DEPDC1B: variants seen among roughly 807,000 people sequenced by gnomAD.
DEPDC1B encodes DEP domain containing 1B.
DEPDC1B carries 51 observed loss-of-function variants against 66.5 expected under a neutral mutation model. That is an observed-to-expected ratio of 0.77 (90% CI 0.61 to 0.97). The LOEUF (loss-of-function observed/expected upper bound fraction) is 0.97. Ranked by LOEUF, DEPDC1B falls within the 50% of genes least tolerant of loss-of-function variation. The pLI is 0.00. For missense variants in DEPDC1B, 552 were observed against 637.1 expected (o/e 0.87, Z 1.44); for synonymous variants, 226 against 223.6 (o/e 1.01, Z -0.10).
chr5:60,659,031 G>C (rs972043032), intron 2 of DEPDC1B, among the ~76,000 whole-genome samples: 2 of 152,160 alleles, frequency 1.3e-5, no homozygotes, highest in Non-Finnish European at 2.9e-5. Flanking sequence ...AAGGGCCCAG[G>C]GTTCGTCCTA....
intron 2 of DEPDC1B, among the ~76,000 whole-genome samples, chr5:60,666,172 G>T (rs900836857): frequency 6.6e-6 from 1 of 152,160 alleles, no homozygotes; most frequent in African/African-American, 2.4e-5. Flanking sequence ...AACCCAGCGA[G>T]GCGCCCATTG....
chr5:60,618,367 T>G (rs1374864788), intron 7 of DEPDC1B, among the ~76,000 whole-genome samples: 5 of 151,722 alleles, frequency 3.3e-5, no homozygotes, highest in African/African-American at 4.8e-5. Context: ...CTTGAAAAGA[T>G]CAACAAAATT....
intron 7 of DEPDC1B, chr5:60,628,732 A>T (rs1291073086): frequency 1.3e-5 from 2 of 152,226 alleles, no homozygotes; most frequent in Non-Finnish European, 2.9e-5. Flanking sequence ...TTTCCTGCAT[A>T]GAGTCTCAAA....
Position 60,635,064 on chromosome 5 carries a change from G to GAA in DEPDC1B, c.898+3684_898+3685dup, listed in dbSNP as rs371444479. Among the ~76,000 whole-genome samples the GAA allele has an allele frequency of 1.7e-3, 201 of 115,934 alleles. 2 individuals are homozygous for GAA. Among genetic ancestry groups the GAA allele is most frequent in the Middle Eastern group, 4.3e-3 (1 of 232 alleles). 76.1% of individuals were successfully genotyped at this position (115,934 alleles called of 152,430 possible). On this transcript the variant is annotated intron_variant, in intron 7 of 10. Coordinates refer to ENST00000265036, the MANE Select transcript of DEPDC1B (RefSeq NM_018369.3). ...ACAAGAGCGAAACTCCATCTCAAGAGAAAAAAAAAAAAAAAAACTCCGGCC... is the reference window on the plus strand; with the variant it reads ...ACAAGAGCGAAACTCCATCTCAAGAGAAAAAAAAAAAAAAAAAAACTCCGGCC...
At chr5:60,667,031 G>A (rs939109815) in intron 2 of DEPDC1B, among the ~76,000 whole-genome samples, 2 of 152,178 alleles carry the variant, frequency 1.3e-5, no homozygotes, top group South Asian at 4.1e-4. Context: ...AAAGTTTGGG[G>A]TAGATTGTTT....
chr5:60,666,605 C>T (rs1284853207), intron 2 of DEPDC1B, among the ~76,000 whole-genome samples: 1 of 152,148 alleles, frequency 6.6e-6, no homozygotes, highest in Non-Finnish European at 1.5e-5. Flanking sequence ...TGCCAAGATT[C>T]CTGTGATGTG....
In DEPDC1B at chr5:60,700,096, C is replaced by A; in HGVS notation, c.-3G>T. On this transcript the variant is annotated 5_prime_UTR_variant, in exon 1 of 11. Coordinates refer to ENST00000265036, the MANE Select transcript of DEPDC1B (RefSeq NM_018369.3). ...GGCCCCACGATGCGATGCTCCATGG[C>A]GCGTAGGCAGCAGCGGCCGCAGCCG... 1 of 1,552,628 alleles carries A rather than the reference C, an allele frequency of 6.4e-7. No homozygotes were observed. The highest frequency in any genetic ancestry group is 8.7e-7 in the Non-Finnish European group (1 of 1,150,842).
intron 7 of DEPDC1B, among the ~76,000 whole-genome samples, chr5:60,632,292 A>G (rs1406495781): frequency 6.6e-6 from 1 of 151,972 alleles, no homozygotes; most frequent in African/African-American, 2.4e-5. Context: ...GCCACTCCTC[A>G]CCCCAAATCG....
At chr5:60,600,293 G>T (rs528438200) in intron 9 of DEPDC1B, among the ~76,000 whole-genome samples, 52 of 152,180 alleles carry the variant, frequency 3.4e-4, no homozygotes, top group Non-Finnish European at 6.6e-4. Flanking sequence ...AGAGGAAAAA[G>T]GAAACCAAGG....
Position 60,667,428 on chromosome 5 carries a change from C to CATATATACAAAAAATGGATATTTTAA in DEPDC1B, c.314+19533_314+19534insTTAAAATATCCATTTTTTGTATATAT, listed in dbSNP as rs1561383539. Among the ~76,000 whole-genome samples, 237 of 142,246 alleles carry CATATATACAAAAAATGGATATTTTAA rather than the reference C, an allele frequency of 1.7e-3. 3 individuals are homozygous for CATATATACAAAAAATGGATATTTTAA. Among genetic ancestry groups the CATATATACAAAAAATGGATATTTTAA allele is most frequent in the Non-Finnish European group, 2.9e-3 (188 of 64,954 alleles). The allele number at this position is 142,246 out of a possible 152,430, so 93.3% of individuals were successfully genotyped here. On this transcript the variant is annotated intron_variant, in intron 2 of 10. Coordinates refer to ENST00000265036, the MANE Select transcript of DEPDC1B (RefSeq NM_018369.3). ...ATATATACAAAAAATGGATATTTTA[C>CATATATACAAAAAATGGATATTTTAA]ATATATACAAAAAATGGATATTTTA... is the stretch of plus-strand genomic sequence containing the variant.
At chr5:60,662,432 C>G (rs575242926) in intron 2 of DEPDC1B, among the ~76,000 whole-genome samples, 5 of 151,878 alleles carry the variant, frequency 3.3e-5, no homozygotes, top group African/African-American at 1.2e-4. Context: ...CAGAGCAAAA[C>G]TTAGAAACCC....
At chr5:60,696,824 G>C (rs573691347) in intron 1 of DEPDC1B, among the ~76,000 whole-genome samples, 2 of 149,912 alleles carry the variant, frequency 1.3e-5, no homozygotes, top group South Asian at 2.1e-4. Flanking sequence ...TGTGCATCCT[G>C]TTCTTTTCTC....
intron 2 of DEPDC1B, among the ~76,000 whole-genome samples, chr5:60,668,476 T>C (rs1753955258): frequency 1.3e-5 from 2 of 151,696 alleles, no homozygotes; most frequent in Admixed American, 6.6e-5. Context: ...GGTTTCATGA[T>C]GTTGGCAAGG....
chr5:60,664,605 T>A (rs1046121678), intron 2 of DEPDC1B, among the ~76,000 whole-genome samples: 1 of 151,910 alleles, frequency 6.6e-6, no homozygotes, highest in African/African-American at 2.4e-5. Context: ...CTTCTAGAGG[T>A]TCCCTTGGCT....
chr5:60,689,659 A>T (rs1240723515), intron 1 of DEPDC1B, among the ~76,000 whole-genome samples: 1 of 151,880 alleles, frequency 6.6e-6, no homozygotes, highest in Non-Finnish European at 1.5e-5. Flanking sequence ...TGTTTAATAA[A>T]TGCTTATATA....
intron 2 of DEPDC1B, among the ~76,000 whole-genome samples, chr5:60,675,925 G>GT (rs1340512467): frequency 5.4e-5 from 7 of 130,266 alleles, no homozygotes; most frequent in African/African-American, 1.1e-4. Context: ...TTTGTTTTTT[G>GT]TTTTTTTGTT....
intron 7 of DEPDC1B, among the ~76,000 whole-genome samples, chr5:60,628,854 C>A (rs1044562844): frequency 1.3e-5 from 2 of 152,106 alleles, no homozygotes; most frequent in Admixed American, 1.3e-4. Flanking sequence ...TAAATATGTA[C>A]TTATTTGCAT....
intron 2 of DEPDC1B, among the ~76,000 whole-genome samples, chr5:60,683,114 C>A (rs1322060030): frequency 6.6e-6 from 1 of 152,044 alleles, no homozygotes; most frequent in African/African-American, 2.4e-5. Context: ...GGATATAGCT[C>A]AAGGATGAAA....
intron 2 of DEPDC1B, among the ~76,000 whole-genome samples, chr5:60,674,822 C>T (rs921280907): frequency 1.3e-5 from 2 of 152,168 alleles, no homozygotes; most frequent in South Asian, 4.2e-4. Flanking sequence ...AAATAGAACA[C>T]AAAATCAATT....
Sources: allele counts gnomAD v4.1 joint callset (sites outside exome capture counted in the v4.1 genomes callset), GRCh38; gene constraint gnomAD v4.1.1; transcripts MANE v1.5; gene names NCBI Gene and HGNC (gene_info 2026-07-23, HGNC 2026-07-21).